The following KMT2D variants were observed in gnomAD, a reference collection of about 807,000 sequenced individuals.
KMT2D encodes the protein lysine methyltransferase 2D, also known as histone-lysine N-methyltransferase 2D.
KMT2D carries 55 observed loss-of-function variants against 512.7 expected under a neutral mutation model. That is an observed-to-expected ratio of 0.11 (90% confidence interval 0.09 to 0.13). KMT2D has a LOEUF of 0.13. Ranked by LOEUF, KMT2D falls within the 10% of genes least tolerant of loss-of-function variation. The pLI is 1.00. For missense variants in KMT2D, 6,061 were observed against 7,127.9 expected (o/e 0.85, Z 5.39); for synonymous variants, 2,995 against 2,904.0 (o/e 1.03, Z -1.01).
At chr12:49,029,568 A>T in intron 43 of KMT2D, 92 bp from the exon 44 acceptor site, 1 of 897,724 alleles carries the variant, frequency 1.1e-6, no homozygotes. Context: ...TTAGCATGAG[A>T]TCTCAGCTAT....
chr12:49,049,885 C>A lies in KMT2D; in HGVS notation c.3703G>T (p.Gly1235Cys), dbSNP rs761722159. Reference protein sequence around the residue: ...PLLGSPDPEGGGSLSMELGVS... With the variant: ...PLLGSPDPEGCGSLSMELGVS... ...CCCAACTCCATGGACAGGGAGCCAC[C>A]CCCCTCCGGGTCTGGAGAGCCCAGG... The change falls in exon 12 of 55, where the codon GGT (glycine) becomes TGT (cysteine). Residue 1235 changes from glycine (G) to cysteine (C), a missense_variant. Physicochemically the swap from Gly to Cys is radical, Grantham distance 159 (BLOSUM62 -3). Around this residue, in one of 16 missense-constraint regions of KMT2D, gnomAD observed 447 missense variants for 500.1 expected, o/e 0.89. Coordinates refer to ENST00000301067, the MANE Select transcript of KMT2D (RefSeq NM_003482.4). 1 of 1,613,888 alleles carries A rather than the reference C, an allele frequency of 6.2e-7. No homozygotes were observed. Among genetic ancestry groups the A allele is most frequent in the African/African-American group, 1.3e-5 (1 of 75,064 alleles).
rs2120544546 is a variant in KMT2D at position 49,041,291 on chromosome 12, A to G, written c.6479T>C (p.Phe2160Ser). Residue 2160 changes from phenylalanine to serine, a missense_variant, in exon 32 of 55, where the codon TTC becomes TCC. By Grantham distance (155) the Phe-to-Ser change is radical. Transcript: ENST00000301067. The surrounding 1 kb of genome is among the most constrained non-coding windows in gnomAD (Gnocchi z 5.4). Reference protein sequence around the residue: ...VPGPDSPGELFLKLPPQVPAQ... With the variant: ...VPGPDSPGELSLKLPPQVPAQ... ...GGGCACCTGGGGTGGGAGCTTGAGGAAGAGCTCACCAGGCGAGTCAGGGCC... is the reference window on the plus strand; with the variant it reads ...GGGCACCTGGGGTGGGAGCTTGAGGGAGAGCTCACCAGGCGAGTCAGGGCC... The G allele has an allele frequency of 1.3e-6, 2 of 1,524,336 alleles. No individual in the cohort carries two copies. Among genetic ancestry groups the G allele is most frequent in the South Asian group, 2.6e-5 (2 of 76,538 alleles). The allele number at this position is 1,524,336 out of a possible 1,614,324, so 94.4% of individuals were successfully genotyped here.
chr12:49,021,756 C>A lies in KMT2D; in HGVS notation c.*24G>T. 1 of 1,585,352 alleles carries A rather than the reference C, an allele frequency of 6.3e-7. No homozygotes were observed. Among genetic ancestry groups the A allele is most frequent in the Non-Finnish European group, 8.7e-7 (1 of 1,154,076 alleles). On this transcript the variant is annotated 3_prime_UTR_variant, in exon 55 of 55. Transcript: ENST00000301067. ...AAGAGGTTGTGGGTAGGGGGACTCC[C>A]CTGCCTGGTAGCCTCAAAGCTTCTT...
chr12:49,021,912 C>T (rs769797462), intron 54 of KMT2D, 40 bp from the exon 55 acceptor site: 10 of 1,586,126 alleles, frequency 6.3e-6, no homozygotes, highest in East Asian at 2.2e-5. Context: ...TAGTCCCCCA[C>T]AGGAAGAGGG....
chr12:49,040,797 C>T lies in KMT2D; in HGVS notation c.6973G>A (p.Asp2325Asn), dbSNP rs2120535191. Residue 2325 changes from aspartate (D) to asparagine (N), a missense_variant, in exon 32 of 55, where the codon GAT (aspartate) becomes AAT (asparagine). By Grantham distance (23) the Asp-to-Asn change is conservative (BLOSUM62 1). Transcript: ENST00000301067. ...HLGGLELKTP[D>N]VFKAPLTPRA... ...GGGGTCAGGGGGGCTTTGAAGACAT[C>T]AGGTGTCTTTAACTCCAGGCCACCC... 2.5e-6 allele frequency: 4 copies of T among 1,613,650 alleles called. No homozygotes were observed. The highest frequency in any genetic ancestry group is 1.7e-6 in the Non-Finnish European group (2 of 1,179,736).
rs1242047362 is a variant in KMT2D, at chr12:49,030,367, T to A, written c.13912A>T (p.Met4638Leu). The A allele has an allele frequency of 6.3e-7, 1 of 1,579,898 alleles. No homozygotes were observed. Among genetic ancestry groups the A allele is most frequent in the Admixed American group, 1.7e-5 (1 of 58,180 alleles). ...PTPPPSVQQK[M>L]VNGVTPSEEL... ...TCAGATGGGGTGACGCCATTCACCA[T>A]CTTCTGCTGCACCGATGGGGGTGGG... The change falls in exon 43 of 55, where the codon ATG becomes TTG. Residue 4638 changes from methionine (M) to leucine (L), a missense_variant. Coordinates refer to ENST00000301067, the MANE Select transcript of KMT2D (RefSeq NM_003482.4).
Position 49,040,861 on chromosome 12 carries a change from G to A in KMT2D, c.6909C>T (p.Asn2303=). ...AGGAGGGTGAGTCAACAAAGCCCAG[G>A]TTTGGGGGCCCATAGCTAGGAGAGG... ...GASSPSYGPP[N]LGFVDSPSSG... Residue 2303 remains asparagine (N), a synonymous_variant, in exon 32 of 55, where the codon AAC becomes AAT. Transcript: ENST00000301067. 1.2e-6 allele frequency: 2 copies of A among 1,613,836 alleles called. No homozygotes were observed. Among genetic ancestry groups the A allele is most frequent in the Non-Finnish European group, 1.7e-6 (2 of 1,179,794 alleles).
chr12:49,044,879 T>G lies in KMT2D; in HGVS notation c.4828A>C (p.Lys1610Gln). ...LRNLTMSPLH[K>Q]RRQRRGRLGL... The stretch of plus-strand genomic sequence containing the variant: ...AGCCGTCCTCGCCGTTGGCGCCGCT[T>G]GTGCAGTGGTGACATGGTCAGGTTA... Residue 1610 changes from lysine to glutamine, a missense_variant, in exon 20 of 55, where the codon AAG (lysine) becomes CAG (glutamine). Lys to Gln is a moderately conservative substitution (Grantham distance 53). This residue lies in a region of KMT2D where 640 missense variants were observed against 814.3 expected (regional missense o/e 0.79). Transcript: ENST00000301067. The surrounding 1 kb of genome is among the most constrained non-coding windows in gnomAD (Gnocchi z 6.4). The G allele has an allele frequency of 6.2e-7, 1 of 1,614,066 alleles. No individual in the cohort carries two copies. The highest frequency in any genetic ancestry group is 2.2e-5 in the East Asian group (1 of 44,888).
At chr12:49,056,648 A>G (rs577567291) in intron 1 of KMT2D, among the ~76,000 whole-genome samples, 4 of 152,178 alleles carry the variant, frequency 2.6e-5, no homozygotes, top group Non-Finnish European at 5.9e-5. Flanking sequence ...CTCAAACAAT[A>G]AAAGTTTGAG....
rs1224807252 is a variant in KMT2D, at chr12:49,059,897, G to T, written c.-322C>A. The T allele has an allele frequency of 6.6e-6, 1 of 152,006 alleles. No individual in the cohort carries two copies. The highest frequency in any genetic ancestry group is 1.5e-5 in the Non-Finnish European group (1 of 68,030). 9.4% of individuals were successfully genotyped at this position (152,006 alleles called of 1,614,324 possible). ...ACACAAAGAGAGCACCGGTGGCTTT[G>T]ATCTTGGGCGAGCAGGCTCCGCATC... On this transcript the variant is annotated 5_prime_UTR_variant, in exon 1 of 55. Coordinates refer to ENST00000301067, the MANE Select transcript of KMT2D (RefSeq NM_003482.4).
rs1044422721 is a variant in KMT2D at position 49,030,282 on chromosome 12, C to A, written c.13997G>T (p.Arg4666Met). Residue 4666 changes from arginine (R) to methionine (M), a missense_variant and splice_region_variant, in exon 43 of 55, where the codon AGG becomes ATG. Physicochemically the swap from Arg to Met is moderately conservative, Grantham distance 91. This residue lies in a region of KMT2D where 1,600 missense variants were observed against 1,754.9 expected (regional missense o/e 0.91). Coordinates refer to ENST00000301067, the MANE Select transcript of KMT2D (RefSeq NM_003482.4). ...GGTGGCATCTGCTCTTGACTTACCC[C>A]TCAGTGCCCTTTCACTATCCCGGGC... ...ASARDSERALRDTSEVKSLDL... is the reference protein window; with the variant it reads ...ASARDSERALMDTSEVKSLDL... The A allele has an allele frequency of 4.0e-5, 64 of 1,599,496 alleles. No individual in the cohort carries two copies. The highest frequency in any genetic ancestry group is 4.4e-5 in the Non-Finnish European group (52 of 1,172,656).
In KMT2D at chr12:49,030,772, C is replaced by A. The variant is rs776908533; in HGVS notation, c.13672-4G>T. The A allele has an allele frequency of 6.2e-7, 1 of 1,613,374 alleles. No individual in the cohort carries two copies. Among genetic ancestry groups the A allele is most frequent in the African/African-American group, 1.3e-5 (1 of 74,938 alleles). On this transcript the variant is annotated splice_region_variant and splice_polypyrimidine_tract_variant and intron_variant, in intron 41 of 54. Transcript: ENST00000301067. ...TTAGGGGCAGCAGGGACAGCTCCTA[C>A]AAGGGGCAAGATGACAAAGTTCAAA...
Position 49,026,098 on chromosome 12 carries a change from G to T in KMT2D, c.15784+84C>A. ...GAGGATCATTCACATAGAAGCTACA[G>T]GTCCTCTTATAGACATTGTAACAGT... On this transcript the variant is annotated intron_variant, in intron 49 of 54. Coordinates refer to ENST00000301067, the MANE Select transcript of KMT2D (RefSeq NM_003482.4). The surrounding 1 kb of genome is among the most constrained non-coding windows in gnomAD (Gnocchi z 9.6). 2 of 1,318,042 alleles carry T rather than the reference G, an allele frequency of 1.5e-6. No individual in the cohort carries two copies. The highest frequency in any genetic ancestry group is 2.1e-6 in the Non-Finnish European group (2 of 964,510). The allele number at this position is 1,318,042 out of a possible 1,614,324, so 81.6% of individuals were successfully genotyped here. A position where few individuals can be genotyped will look rare whatever the true frequency, so the allele number is the denominator to read the frequency against.
chr12:49,039,959 C>A lies in KMT2D; in HGVS notation c.7811G>T (p.Ser2604Ile), dbSNP rs748317115. 4 of 1,613,870 alleles carry A rather than the reference C, an allele frequency of 2.5e-6. No individual in the cohort carries two copies. In the Admixed American group the frequency reaches 6.7e-5, roughly 27 times the overall value. ...LGPSSGSTGE[S>I]YGLSPLRPPS... ...AGGGCGTAGTGGGGACAGCCCATAG[C>A]TCTCCCCTGTGGACCCGCTGCTGGG... is the stretch of plus-strand genomic sequence containing the variant. Residue 2604 changes from serine to isoleucine, a missense_variant, in exon 32 of 55, where the codon AGC becomes ATC. This residue lies in a region of KMT2D where 527 missense variants were observed against 578.9 expected (regional missense o/e 0.91). Transcript: ENST00000301067. The surrounding 1 kb of genome is among the most constrained non-coding windows in gnomAD (Gnocchi z 5.0).
In KMT2D at chr12:49,042,680, T is replaced by C. The variant is rs778063382; in HGVS notation, c.5783-35A>G. ...GGACAGGATCAGAGAAAAGAGCAAC[T>C]GGCCCATCCTGGAGGCAAGCTTGGT... On this transcript the variant is annotated intron_variant, in intron 27 of 54. Coordinates refer to ENST00000301067, the MANE Select transcript of KMT2D (RefSeq NM_003482.4). This position sits in a 1 kb window ranked among gnomAD's most constrained non-coding sequence, Gnocchi z 4.4. 9.3e-6 allele frequency: 15 copies of C among 1,609,658 alleles called. No individual in the cohort carries two copies. The South Asian group carries it at 1.6e-4, about 18-fold the overall frequency.
intron 1 of KMT2D, among the ~76,000 whole-genome samples, chr12:49,055,688 T>C (rs1481377196): frequency 6.6e-6 from 1 of 152,200 alleles, no homozygotes; most frequent in Non-Finnish European, 1.5e-5. Context: ...CTCTTTGGCT[T>C]GCCTCTGGGT....
chr12:49,049,797 A>G lies in KMT2D; in HGVS notation c.3791T>C (p.Leu1264Pro), dbSNP rs2120640687. ...CAATAGTGAGTCATCAGTCTCTGGC[A>G]GTGAGTCAGTACAGAGCCGTAGGGA... is the stretch of plus-strand genomic sequence containing the variant. Reference protein sequence around the residue: ...EGSLRLCTDSLPETDDSLLCD... With the variant: ...EGSLRLCTDSPPETDDSLLCD... The change falls in exon 12 of 55, where the codon CTG becomes CCG. Residue 1264 changes from leucine to proline, a missense_variant. Coordinates refer to ENST00000301067, the MANE Select transcript of KMT2D (RefSeq NM_003482.4). The G allele has an allele frequency of 1.2e-6, 2 of 1,613,882 alleles. No homozygotes were observed. The highest frequency in any genetic ancestry group is 1.7e-6 in the Non-Finnish European group (2 of 1,179,814).
rs1401028849 is a variant in KMT2D at position 49,037,680 on chromosome 12, G to C, written c.9676C>G (p.Pro3226Ala). Residue 3226 changes from proline to alanine, a missense_variant, in exon 35 of 55, where the codon CCT becomes GCT. By Grantham distance (27) the Pro-to-Ala change is conservative (BLOSUM62 -1). Around this residue, in one of 16 missense-constraint regions of KMT2D, gnomAD observed 533 missense variants for 539.6 expected, o/e 0.99. Coordinates refer to ENST00000301067, the MANE Select transcript of KMT2D (RefSeq NM_003482.4). ...ESGALTLPGG[P>A]AASGDELDKM... ...TCTAGCTCATCCCCAGATGCTGCAGGTCCACCAGGCAAGGTCAAAGCCCCA... is the reference window on the plus strand; with the variant it reads ...TCTAGCTCATCCCCAGATGCTGCAGCTCCACCAGGCAAGGTCAAAGCCCCA... The C allele has an allele frequency of 2.5e-6, 4 of 1,584,442 alleles. No individual in the cohort carries two copies. The highest frequency in any genetic ancestry group is 3.4e-6 in the Non-Finnish European group (4 of 1,165,262).
Position 49,050,260 on chromosome 12 carries a change from G to A in KMT2D, c.3328C>T (p.Pro1110Ser), listed in dbSNP as rs2120648034. Residue 1110 changes from proline to serine, a missense_variant, in exon 12 of 55, where the codon CCA becomes TCA. Physicochemically the swap from Pro to Ser is moderately conservative, Grantham distance 74 (BLOSUM62 -1). Transcript: ENST00000301067. ...AGGCCAGAGAAGTCATCCAGGGCTG[G>A]GGCAGGGCTGGGGGCGGGGCAGGAA... Reference protein sequence around the residue: ...DLSCPAPSPAPALDDFSGLGE... With the variant: ...DLSCPAPSPASALDDFSGLGE... 6.2e-7 allele frequency: 1 copy of A among 1,612,296 alleles called. No homozygotes were observed. Among genetic ancestry groups the A allele is most frequent in the Non-Finnish European group, 8.5e-7 (1 of 1,179,158 alleles).
Sources: allele counts gnomAD v4.1 joint callset (sites outside exome capture counted in the v4.1 genomes callset), GRCh38; gene constraint gnomAD v4.1.1; regional missense constraint gnomAD v4.1.1; non-coding constraint Gnocchi (gnomAD v3.1); transcripts MANE v1.5; gene names NCBI Gene and HGNC (gene_info 2026-07-23, HGNC 2026-07-21).